The following OPCML variants were observed in gnomAD, a reference collection of about 807,000 sequenced individuals.
The protein encoded by OPCML is opioid binding protein/cell adhesion molecule like, also known as opioid-binding protein/cell adhesion molecule.
In OPCML, 13 loss-of-function variants were observed where a neutral mutation model predicts 37.8. The ratio of observed to expected loss-of-function variants is 0.34; its 90% CI spans 0.22 to 0.55. OPCML has a LOEUF of 0.55. OPCML is among the 20% of genes least tolerant of loss of function. The pLI is 0.91. For synonymous variants in OPCML, 176 were observed against 168.8 expected, an observed-to-expected ratio of 1.04 and a Z score of -0.33; for missense variants, 341 against 435.6, an observed-to-expected ratio of 0.78 and a Z score of 1.93.
intron 1 of OPCML, among the ~76,000 whole-genome samples, chr11:133,246,085 C>T (rs890014722): frequency 6.6e-6 from 1 of 152,110 alleles, no homozygotes; most frequent in African/African-American, 2.4e-5. Context: ...ATGTAAAAAA[C>T]CACTTTCTGC....
chr11:133,081,131 G>A (rs1948710007), intron 1 of OPCML, among the ~76,000 whole-genome samples: 1 of 152,224 alleles, frequency 6.6e-6, no homozygotes, highest in Non-Finnish European at 1.5e-5. Context: ...GCATCCCAGT[G>A]TGCTCCTGAC....
intron 1 of OPCML, among the ~76,000 whole-genome samples, chr11:133,248,554 T>C (rs1941027639): frequency 6.6e-6 from 1 of 152,226 alleles, no homozygotes; most frequent in African/African-American, 2.4e-5. Flanking sequence ...GTTAAATTGT[T>C]TCCCTGCAGC....
intron 1 of OPCML, chr11:133,006,712 T>A (rs1395187130): frequency 1.0e-6 from 1 of 985,356 alleles, no homozygotes; most frequent in African/African-American, 1.7e-5. Flanking sequence ...CTAGAATTGT[T>A]CCAGCACCTT....
At position 133,117,877 on chromosome 11, in the gene OPCML, G is replaced by T. The variant is rs552747735; in HGVS notation, c.62-174867C>A. ...TCTAAAAGTATCACTGGAAAGTTTT[G>T]CAGCACTTTATCAAATGAAGTCTTC... On this transcript the variant is annotated intron_variant, in intron 1 of 7. Coordinates refer to ENST00000524381, the MANE Select transcript of OPCML (RefSeq NM_001012393.5). The T allele has an allele frequency of 2.9e-5, 29 of 984,552 alleles. No individual in the cohort carries two copies. The African/African-American group carries it at 5.1e-4, about 17-fold the overall frequency. 61.0% of individuals were successfully genotyped at this position (984,552 alleles called of 1,614,324 possible). A position where few individuals can be genotyped will look rare whatever the true frequency, so the allele number is the denominator to read the frequency against.
chr11:133,491,659 G>T (rs1288754924), intron 1 of OPCML, among the ~76,000 whole-genome samples: 1 of 152,164 alleles, frequency 6.6e-6, no homozygotes, highest in Non-Finnish European at 1.5e-5. Flanking sequence ...ACTGAGGCAG[G>T]CTGCAGCAGC....
chr11:133,345,646 A>C (rs552999796), intron 1 of OPCML, among the ~76,000 whole-genome samples: 12 of 152,264 alleles, frequency 7.9e-5, no homozygotes, highest in African/African-American at 2.2e-4. Flanking sequence ...CTAAACCAAG[A>C]TGTGCTGCTT....
chr11:133,409,272 G>A (rs985942207), intron 1 of OPCML, among the ~76,000 whole-genome samples: 64 of 152,150 alleles, frequency 4.2e-4, no homozygotes, highest in Admixed American at 3.9e-3. Context: ...GTGAACTTAC[G>A]TCACCAAAGT....
intron 2 of OPCML, among the ~76,000 whole-genome samples, chr11:132,911,412 T>G (rs1343589423): frequency 1.3e-5 from 2 of 152,212 alleles, no homozygotes; most frequent in African/African-American, 4.8e-5. Context: ...TGGAATCTAT[T>G]ACCTCCTAAT....
chr11:132,775,683 A>G (rs1946784579), intron 2 of OPCML, among the ~76,000 whole-genome samples: 1 of 152,160 alleles, frequency 6.6e-6, no homozygotes, highest in African/African-American at 2.4e-5. Flanking sequence ...AGCACCCACT[A>G]AAGTACCTCG....
At chr11:133,035,330 A>C (rs1268570942) in intron 1 of OPCML, among the ~76,000 whole-genome samples, 1 of 152,176 alleles carries the variant, frequency 6.6e-6, no homozygotes, top group African/African-American at 2.4e-5. Flanking sequence ...TCTCTCCAAC[A>C]AACTCCATCT....
chr11:132,695,674 G>T (rs1280102534), intron 2 of OPCML, among the ~76,000 whole-genome samples: 1 of 152,140 alleles, frequency 6.6e-6, no homozygotes, highest in African/African-American at 2.4e-5. Context: ...TGAACTTGGA[G>T]ATCTCACTAG....
chr11:133,224,932 A>G (rs1939979723), intron 1 of OPCML, among the ~76,000 whole-genome samples: 1 of 152,090 alleles, frequency 6.6e-6, no homozygotes, highest in Non-Finnish European at 1.5e-5. Context: ...CTGACCCTCC[A>G]TCCCAAGCTC....
intron 3 of OPCML, among the ~76,000 whole-genome samples, chr11:132,584,582 G>A (rs949721272): frequency 2.0e-5 from 3 of 152,160 alleles, no homozygotes; most frequent in Admixed American, 1.3e-4. Context: ...TTCTGTTTAT[G>A]TATGTGTGCT....
chr11:132,480,720 T>A (rs1275990538), intron 4 of OPCML, among the ~76,000 whole-genome samples: 1 of 152,196 alleles, frequency 6.6e-6, no homozygotes, highest in East Asian at 1.9e-4. Context: ...ATATTCAACA[T>A]TCTTAAAGAA....
chr11:133,188,155 A>G (rs1592085935), intron 1 of OPCML, among the ~76,000 whole-genome samples: 1 of 152,252 alleles, frequency 6.6e-6, no homozygotes. Context: ...GATTAAGTGA[A>G]TGGCAAAGAA....
chr11:132,588,195 G>C (rs2096477161), intron 3 of OPCML, among the ~76,000 whole-genome samples: 1 of 152,130 alleles, frequency 6.6e-6, no homozygotes. Flanking sequence ...GTAAGACTAT[G>C]TTTGGGATCT....
chr11:132,492,416 T>C (rs2096218870), intron 4 of OPCML, among the ~76,000 whole-genome samples: 1 of 152,128 alleles, frequency 6.6e-6, no homozygotes, highest in African/African-American at 2.4e-5. Context: ...TCTGCTGATG[T>C]ATGGGGTATA....
At chr11:132,601,242 C>T (rs1937868350) in intron 3 of OPCML, among the ~76,000 whole-genome samples, 1 of 152,060 alleles carries the variant, frequency 6.6e-6, no homozygotes, top group Non-Finnish European at 1.5e-5. Flanking sequence ...CTGGTCTGCC[C>T]CTCAGCCTCC....
At chr11:132,431,945 G>T (rs142737935) in intron 7 of OPCML, among the ~76,000 whole-genome samples, 50 of 152,256 alleles carry the variant, frequency 3.3e-4, no homozygotes, top group African/African-American at 1.1e-3. Flanking sequence ...TTCAGAAGTA[G>T]ATAGAAGAAA....
Sources: allele counts gnomAD v4.1 joint callset (sites outside exome capture counted in the v4.1 genomes callset), GRCh38; gene constraint gnomAD v4.1.1; transcripts MANE v1.5; gene names NCBI Gene and HGNC (gene_info 2026-07-23, HGNC 2026-07-21).